Variants in IQCM observed in about 807,000 individuals in gnomAD.
IQCM encodes IQ motif containing M, also known as IQ domain-containing protein M.
Under a neutral mutation model 57.6 loss-of-function variants are expected in IQCM, and 45 were observed. The observed-to-expected ratio is 0.78, with a 90% CI of 0.62 to 1.00. The LOEUF is 1.00. Among genes scored for constraint, IQCM ranks in the 50% least tolerant of loss-of-function variants. The pLI, the probability that IQCM is intolerant of heterozygous loss-of-function variation, is 0.00. For missense variants in IQCM, 468 were observed against 511.6 expected (o/e 0.91, Z 0.82); for synonymous variants, 148 against 158.9 (o/e 0.93, Z 0.51).
intron 12 of IQCM, among the ~76,000 whole-genome samples, chr4:149,528,673 A>C (rs896636240): frequency 6.6e-6 from 1 of 152,158 alleles, no homozygotes; most frequent in Non-Finnish European, 1.5e-5. Context: ...TGGGTACAGA[A>C]AATGAGTATA....
intron 12 of IQCM, among the ~76,000 whole-genome samples, chr4:149,512,584 A>G (rs1427964090): frequency 6.6e-6 from 1 of 152,100 alleles, no homozygotes; most frequent in Non-Finnish European, 1.5e-5. Context: ...CAGACAGTTG[A>G]ATTATTCTAC....
intron 13 of IQCM, among the ~76,000 whole-genome samples, chr4:149,357,041 CTGTT>C (rs1729050649): frequency 6.6e-6 from 1 of 152,132 alleles, no homozygotes; most frequent in African/African-American, 2.4e-5. Flanking sequence ...ATTTGGCTCT[CTGTT>C]TGTCTGTTAT....
At chr4:149,671,119 A>T (rs561740578) in intron 7 of IQCM, among the ~76,000 whole-genome samples, 3 of 150,758 alleles carry the variant, frequency 2.0e-5, no homozygotes, top group Non-Finnish European at 4.4e-5. Flanking sequence ...CTGGTCCTGG[A>T]CTCTTTTTGG....
chr4:149,481,694 C>G (rs1206164506), intron 12 of IQCM, among the ~76,000 whole-genome samples: 1 of 9,808 alleles, frequency 1.0e-4, no homozygotes, highest in Admixed American at 8.8e-4. Flanking sequence ...GTGATTCTTC[C>G]AGTTTTGTTT....
chr4:149,377,694 G>A (rs1323150938), intron 13 of IQCM, among the ~76,000 whole-genome samples: 1 of 152,140 alleles, frequency 6.6e-6, no homozygotes, highest in Admixed American at 6.6e-5. Flanking sequence ...TGTGGACCCT[G>A]TCAGTGATGT....
At chr4:149,740,950 G>T (rs1447918424) in intron 3 of IQCM, among the ~76,000 whole-genome samples, 1 of 152,106 alleles carries the variant, frequency 6.6e-6, no homozygotes, top group Non-Finnish European at 1.5e-5. Flanking sequence ...CTAGGGTAAA[G>T]AGTTATGGAG....
At position 149,621,159 on chromosome 4, in the gene IQCM, T is replaced by G; in HGVS notation, c.651A>C (p.Gln217His). The change falls in exon 8 of 14, where the codon CAA becomes CAC. Residue 217 changes from glutamine (Q) to histidine (H), a missense_variant. Gln to His is a conservative substitution (Grantham distance 24). Transcript: ENST00000636793. ...ACDSRRVSFS[Q>H]SSSIFRDYYS... ...AATAATCCCGAAATATTGATGATGA[T>G]TGAGAGAAACTAACTCGACGGGAGT... 1 of 1,230,768 alleles carries G rather than the reference T, an allele frequency of 8.1e-7. No individual in the cohort carries two copies. The highest frequency in any genetic ancestry group is 1.0e-6 in the Non-Finnish European group (1 of 986,768). 76.2% of individuals were successfully genotyped at this position (1,230,768 alleles called of 1,614,324 possible).
At chr4:149,500,718 G>A (rs1743152305) in intron 12 of IQCM, among the ~76,000 whole-genome samples, 1 of 152,108 alleles carries the variant, frequency 6.6e-6, no homozygotes, top group Non-Finnish European at 1.5e-5. Context: ...GAAAAGAGTG[G>A]AAATCAAAGC....
chr4:149,749,494 G>A (rs1407723050), intron 2 of IQCM, among the ~76,000 whole-genome samples: 1 of 152,060 alleles, frequency 6.6e-6, no homozygotes, highest in Non-Finnish European at 1.5e-5. Flanking sequence ...ACTTACTAAT[G>A]ACAATAGGAA....
chr4:149,526,430 T>A (rs1436675567), intron 12 of IQCM, among the ~76,000 whole-genome samples: 2 of 152,016 alleles, frequency 1.3e-5, no homozygotes, highest in Non-Finnish European at 2.9e-5. Context: ...GCACTGAATA[T>A]TTTTTAATTT....
intron 13 of IQCM, among the ~76,000 whole-genome samples, chr4:149,356,444 G>T (rs554571130): frequency 6.6e-6 from 1 of 151,826 alleles, no homozygotes; most frequent in Non-Finnish European, 1.5e-5. Flanking sequence ...AAGGGATCCA[G>T]TTTCAGCTTT....
intron 13 of IQCM, among the ~76,000 whole-genome samples, chr4:149,388,656 T>C (rs1336215487): frequency 7.0e-6 from 1 of 142,604 alleles, no homozygotes; most frequent in Non-Finnish European, 1.5e-5. Flanking sequence ...ATATAAAATA[T>C]ATATATATAT....
chr4:149,436,939 G>T (rs1373703325), intron 12 of IQCM, among the ~76,000 whole-genome samples: 2 of 152,026 alleles, frequency 1.3e-5, no homozygotes, highest in African/African-American at 4.8e-5. Flanking sequence ...ATATACATTT[G>T]CTAATTTAAT....
intron 8 of IQCM, among the ~76,000 whole-genome samples, chr4:149,620,122 A>C (rs1756198649): frequency 6.6e-6 from 1 of 151,988 alleles, no homozygotes; most frequent in African/African-American, 2.4e-5. Flanking sequence ...ACACCATTAC[A>C]CTCTAGCCTG....
chr4:149,570,394 A>G (rs919521315), intron 9 of IQCM, among the ~76,000 whole-genome samples: 1 of 152,052 alleles, frequency 6.6e-6, no homozygotes, highest in South Asian at 2.1e-4. Flanking sequence ...AGGTCCTCCT[A>G]AAAAACCAGC....
chr4:149,572,090 G>A (rs1751214151), intron 9 of IQCM, among the ~76,000 whole-genome samples: 1 of 151,930 alleles, frequency 6.6e-6, no homozygotes. Flanking sequence ...ACTGATATAT[G>A]ATGACCCTGG....
chr4:149,646,222 C>A (rs1375951253), intron 7 of IQCM, among the ~76,000 whole-genome samples: 1 of 152,024 alleles, frequency 6.6e-6, no homozygotes, highest in Admixed American at 6.5e-5. Context: ...TTATACTTCC[C>A]CTTAATTAAA....
intron 7 of IQCM, among the ~76,000 whole-genome samples, chr4:149,680,284 G>A (rs1762084951): frequency 6.6e-6 from 1 of 151,342 alleles, no homozygotes; most frequent in Admixed American, 6.6e-5. Context: ...TATGAGTATT[G>A]AGATACTTAT....
intron 13 of IQCM, among the ~76,000 whole-genome samples, chr4:149,421,915 C>T (rs1420640077): frequency 6.6e-6 from 1 of 152,016 alleles, no homozygotes; most frequent in Non-Finnish European, 1.5e-5. Context: ...AAACAGGATT[C>T]TGGCAAACTA....
Sources: gnomAD v4.1 joint callset for allele counts (sites outside exome capture counted in the v4.1 genomes callset) on GRCh38, gnomAD v4.1.1 for gene constraint, MANE v1.5 for transcripts, NCBI Gene and HGNC (gene_info 2026-07-23, HGNC 2026-07-21) for gene names.